FRMD4A: variants seen among roughly 807,000 people sequenced by gnomAD.
FRMD4A encodes the protein FERM domain containing 4A, also known as FERM domain-containing protein 4A.
In FRMD4A, 29 loss-of-function variants were observed where a neutral mutation model predicts 129.1. That is an observed-to-expected ratio of 0.22 (90% confidence interval 0.17 to 0.31). The LOEUF (loss-of-function observed/expected upper bound fraction) is 0.31, where lower values mean the gene tolerates loss of function less well. FRMD4A is among the 10% of genes least tolerant of loss of function. The pLI, the probability that FRMD4A is intolerant of heterozygous loss-of-function variation, is 1.00. For missense variants in FRMD4A, 1,272 were observed against 1,375.8 expected, an observed-to-expected ratio of 0.92 and a Z score of 1.19; for synonymous variants, 634 against 571.6, an observed-to-expected ratio of 1.11 and a Z score of -1.56.
chr10:14,112,856 CA>C (rs1355858175), intron 2 of FRMD4A, among the ~76,000 whole-genome samples: 16 of 152,270 alleles, frequency 1.1e-4, no homozygotes, highest in Admixed American at 5.2e-4. Flanking sequence ...TTTCCAAATT[CA>C]AAAGGAAACT....
intron 11 of FRMD4A, among the ~76,000 whole-genome samples, chr10:13,738,166 T>C (rs535465952): frequency 9.2e-5 from 14 of 152,264 alleles, no homozygotes; most frequent in Middle Eastern, 3.4e-3. Context: ...CTGCTCTTAA[T>C]CAGCCGCACA....
At chr10:13,908,253 G>T (rs1203087857) in intron 2 of FRMD4A, among the ~76,000 whole-genome samples, 1 of 142,096 alleles carries the variant, frequency 7.0e-6, no homozygotes. Flanking sequence ...TATCTTCTTT[G>T]CTTATTGAAA....
At position 13,737,589 on chromosome 10, in the gene FRMD4A, G is replaced by A. The variant is rs76888869; in HGVS notation, c.759+255C>T. Among the ~76,000 whole-genome samples the A allele has an allele frequency of 7.9e-3, 1,207 of 152,156 alleles. 22 individuals carry two copies. Among genetic ancestry groups the A allele is most frequent in the African/African-American group, 0.028 (1,160 of 41,488 alleles). On this transcript the variant is annotated intron_variant, in intron 12 of 24. Transcript: ENST00000357447. ...AGTCTCTTTGCCTATCTGCTCTGGG[G>A]AGAACTGAGCCAGTCATCTCACCTT...
intron 2 of FRMD4A, among the ~76,000 whole-genome samples, chr10:14,049,474 T>C (rs1834155152): frequency 6.6e-6 from 1 of 152,188 alleles, no homozygotes; most frequent in Non-Finnish European, 1.5e-5. Flanking sequence ...TGGGTTTCAG[T>C]GTATTAGGAA....
intron 24 of FRMD4A, chr10:13,648,826 G>A (rs2081321430): frequency 6.6e-6 from 1 of 152,100 alleles, no homozygotes; most frequent in Non-Finnish European, 1.5e-5. Context: ...ACATGATCTG[G>A]GTCTGTTTGG....
intron 2 of FRMD4A, among the ~76,000 whole-genome samples, chr10:13,938,952 G>A (rs183586109): frequency 8.5e-5 from 13 of 152,286 alleles, no homozygotes; most frequent in East Asian, 7.7e-4. Flanking sequence ...CCTGGAAGGC[G>A]CTACCAGCAT....
chr10:13,844,060 T>G (rs1467786116), intron 3 of FRMD4A, among the ~76,000 whole-genome samples: 1 of 152,222 alleles, frequency 6.6e-6, no homozygotes, highest in Non-Finnish European at 1.5e-5. Context: ...CTTTCTAAGA[T>G]TTATGCATTG....
chr10:13,978,223 G>A (rs535435544), intron 2 of FRMD4A, among the ~76,000 whole-genome samples: 143 of 152,260 alleles, frequency 9.4e-4, no homozygotes, highest in African/African-American at 3.1e-3. Context: ...ATTCTATGAC[G>A]TGGCCTTTGG....
chr10:13,952,720 G>A (rs557333635), intron 2 of FRMD4A, among the ~76,000 whole-genome samples: 4 of 152,078 alleles, frequency 2.6e-5, no homozygotes, highest in Non-Finnish European at 4.4e-5. Context: ...TTGAGATGGA[G>A]TCTCACTCTG....
At chr10:14,293,566 G>A (rs1845914672) in intron 2 of FRMD4A, among the ~76,000 whole-genome samples, 1 of 151,402 alleles carries the variant, frequency 6.6e-6, no homozygotes, top group Admixed American at 6.6e-5. Flanking sequence ...ACTTAGCATT[G>A]TATTATCACT....
chr10:14,163,143 T>C (rs1457348964), intron 2 of FRMD4A, among the ~76,000 whole-genome samples: 1 of 152,222 alleles, frequency 6.6e-6, no homozygotes, highest in African/African-American at 2.4e-5. Context: ...CCCGATGAAG[T>C]AAGACTTTAA....
chr10:14,058,990 C>T (rs1449448524), intron 2 of FRMD4A, among the ~76,000 whole-genome samples: 3 of 151,940 alleles, frequency 2.0e-5, no homozygotes, highest in African/African-American at 7.3e-5. Flanking sequence ...AAGACAATGA[C>T]AATGCATTTG....
chr10:14,014,153 C>A (rs893589735), intron 2 of FRMD4A, among the ~76,000 whole-genome samples: 4 of 152,038 alleles, frequency 2.6e-5, no homozygotes, highest in African/African-American at 9.7e-5. Context: ...CCGAACCTGC[C>A]CCCAGCTGGG....
chr10:13,971,576 A>G (rs2095518438), intron 2 of FRMD4A: 1 of 797,128 alleles, frequency 1.3e-6, no homozygotes, highest in African/African-American at 1.8e-5. Context: ...ACATGTGACA[A>G]TAGCTCATGC....
At chr10:14,328,333 G>C (rs1225173259) in intron 2 of FRMD4A, among the ~76,000 whole-genome samples, 1 of 138,608 alleles carries the variant, frequency 7.2e-6, no homozygotes. Flanking sequence ...ATATGTGGAA[G>C]ACCCAGGACC....
At chr10:13,671,044 C>T (rs1589293581) in intron 16 of FRMD4A, among the ~76,000 whole-genome samples, 1 of 152,168 alleles carries the variant, frequency 6.6e-6, no homozygotes, top group East Asian at 1.9e-4. Context: ...ATGGCAAATC[C>T]CAGAAAAGTG....
At chr10:13,761,398 G>A (rs1044515189) in intron 8 of FRMD4A, among the ~76,000 whole-genome samples, 1 of 152,226 alleles carries the variant, frequency 6.6e-6, no homozygotes, top group Non-Finnish European at 1.5e-5. Flanking sequence ...CATGTGTGAC[G>A]CTGGGCCTAA....
intron 2 of FRMD4A, among the ~76,000 whole-genome samples, chr10:14,262,245 C>G (rs552077633): frequency 3.3e-5 from 5 of 152,148 alleles, no homozygotes. Context: ...TTTCCATTAC[C>G]TACTTAGCCC....
chr10:14,218,260 T>C (rs1843135498), intron 2 of FRMD4A, among the ~76,000 whole-genome samples: 1 of 152,228 alleles, frequency 6.6e-6, no homozygotes, highest in African/African-American at 2.4e-5. Flanking sequence ...ATCCCCTTCT[T>C]ACCCATATGC....
Sources: gnomAD v4.1 joint callset for allele counts (sites outside exome capture counted in the v4.1 genomes callset) on GRCh38, gnomAD v4.1.1 for gene constraint, MANE v1.5 for transcripts, NCBI Gene and HGNC (gene_info 2026-07-23, HGNC 2026-07-21) for gene names.